STXBP4: variants seen among roughly 807,000 people sequenced by gnomAD.
STXBP4 encodes the protein syntaxin-binding protein 4.
A neutral mutation model predicts 76.1 loss-of-function variants in STXBP4; 55 were observed. The ratio of observed to expected loss-of-function variants is 0.72; its 90% CI spans 0.58 to 0.91. The LOEUF is 0.91. Ranked by LOEUF, STXBP4 falls within the 40% of genes least tolerant of loss-of-function variation. The pLI, the probability that STXBP4 is intolerant of heterozygous loss-of-function variation, is 0.00. For missense variants in STXBP4, 618 were observed against 636.9 expected, an observed-to-expected ratio of 0.97 and a Z score of 0.32; for synonymous variants, 201 against 220.2, an observed-to-expected ratio of 0.91 and a Z score of 0.77.
intron 17 of STXBP4, among the ~76,000 whole-genome samples, chr17:55,155,259 T>C (rs2080264348): frequency 6.6e-6 from 1 of 152,096 alleles, no homozygotes; most frequent in African/African-American, 2.4e-5. Flanking sequence ...TGCTTTATCA[T>C]GGTTTGGTTA....
In STXBP4 at chr17:55,161,147, A is replaced by G. The variant is rs1184832523; in HGVS notation, c.*1236A>G. 1 of 152,214 alleles carries G rather than the reference A, an allele frequency of 6.6e-6. No individual in the cohort carries two copies. The highest frequency in any genetic ancestry group is 1.5e-5 in the Non-Finnish European group (1 of 68,034). 9.4% of individuals were successfully genotyped at this position (152,214 alleles called of 1,614,324 possible). ...AGTCTCCTAGTCTACTGAATTTCATATGGTGTATAATACAGATTTATATGG... is the reference window on the plus strand; with the variant it reads ...AGTCTCCTAGTCTACTGAATTTCATGTGGTGTATAATACAGATTTATATGG... On this transcript the variant is annotated 3_prime_UTR_variant, in exon 18 of 18. Coordinates refer to ENST00000376352, the MANE Select transcript of STXBP4 (RefSeq NM_178509.6).
rs1322074022 is a variant in STXBP4 at position 55,161,691 on chromosome 17, A to G, written c.*1780A>G. The G allele has an allele frequency of 6.6e-5, 10 of 152,186 alleles. No homozygotes were observed. The highest frequency in any genetic ancestry group is 1.7e-4 in the African/African-American group (7 of 41,440). The allele number at this position is 152,186 out of a possible 1,614,324, so 9.4% of individuals were successfully genotyped here. A position where few individuals can be genotyped will look rare whatever the true frequency, so the allele number is the denominator to read the frequency against. ...CAAATACCTAGTGAAAAAGGCCTAAACAATTGTAATGATATTATTTATTGG... is the reference window on the plus strand; with the variant it reads ...CAAATACCTAGTGAAAAAGGCCTAAGCAATTGTAATGATATTATTTATTGG... On this transcript the variant is annotated 3_prime_UTR_variant, in exon 18 of 18. Transcript: ENST00000376352.
chr17:55,146,500 A>G (rs1487320576), intron 17 of STXBP4, among the ~76,000 whole-genome samples: 1 of 152,090 alleles, frequency 6.6e-6, no homozygotes, highest in Non-Finnish European at 1.5e-5. Context: ...TCACGAGGTC[A>G]GGAGATTGAG....
At chr17:54,986,537 T>C (rs1319291304) in intron 3 of STXBP4, among the ~76,000 whole-genome samples, 1 of 152,146 alleles carries the variant, frequency 6.6e-6, no homozygotes, top group Non-Finnish European at 1.5e-5. Flanking sequence ...GAGGATAGCC[T>C]GAAGTTGGGA....
the STXBP4 span, among the ~76,000 whole-genome samples, chr17:55,199,867 C>G: frequency 6.6e-6 from 1 of 152,146 alleles, no homozygotes; most frequent in South Asian, 2.1e-4. Context: ...TCCTTTAGCT[C>G]ATACAGACTG....
At chr17:55,098,414 C>A (rs936896083) in intron 16 of STXBP4, among the ~76,000 whole-genome samples, 12 of 152,100 alleles carry the variant, frequency 7.9e-5, no homozygotes, top group African/African-American at 2.7e-4. Flanking sequence ...GGAGGCCTTG[C>A]TGAACTTGTT....
intron 17 of STXBP4, among the ~76,000 whole-genome samples, chr17:55,158,241 A>G (rs2080302340): frequency 6.6e-6 from 1 of 152,164 alleles, no homozygotes; most frequent in South Asian, 2.1e-4. Context: ...TATTCTTCAC[A>G]TAACATTTAT....
At chr17:55,178,408 A>C (rs1053327365), downstream of STXBP4, among the ~76,000 whole-genome samples, 1 of 152,210 alleles carries the variant, frequency 6.6e-6, no homozygotes, top group Non-Finnish European at 1.5e-5. Flanking sequence ...GGCCTTAATA[A>C]AGTTACTTAC....
At position 55,172,780 on chromosome 17, in the gene STXBP4, A is replaced by G. The variant is rs533293923; in HGVS notation, c.*12869A>G. 1 of 152,156 alleles carries G rather than the reference A, an allele frequency of 6.6e-6. No individual in the cohort carries two copies. Among genetic ancestry groups the G allele is most frequent in the Non-Finnish European group, 1.5e-5 (1 of 68,026 alleles). 9.4% of individuals were successfully genotyped at this position (152,156 alleles called of 1,614,324 possible). ...GTCATGTTAGAGTAACTAACTCCTG[A>G]TTTGTAAACTGAAGGTCCCAAATCC... On this transcript the variant is annotated 3_prime_UTR_variant, in exon 18 of 18. Transcript: ENST00000376352.
chr17:55,158,710 A>G (rs561600556), intron 17 of STXBP4, among the ~76,000 whole-genome samples: 43 of 152,334 alleles, frequency 2.8e-4, no homozygotes, highest in African/African-American at 9.6e-4. Context: ...AACACTTTTC[A>G]GGATGCTGGT....
intron 16 of STXBP4, among the ~76,000 whole-genome samples, chr17:55,124,420 A>G (rs966459978): frequency 7.9e-5 from 12 of 152,204 alleles, no homozygotes; most frequent in African/African-American, 2.9e-4. Flanking sequence ...TTATATATAA[A>G]CATTTTAAAA....
chr17:55,103,379 A>G lies in STXBP4; in HGVS notation c.1489+22196A>G, dbSNP rs1198054078. 2.0e-5 allele frequency among the ~76,000 whole-genome samples: 3 copies of G among 152,314 alleles called. No homozygotes were observed. The East Asian group carries it at 5.8e-4, about 29-fold the overall frequency. ...GCCAGTTTTCCCAACACCGTTTATT[A>G]AATAGGGAATCCTTTCTCCATTGCT... On this transcript the variant is annotated intron_variant, in intron 16 of 17. Coordinates refer to ENST00000376352, the MANE Select transcript of STXBP4 (RefSeq NM_178509.6).
chr17:55,033,177 C>A (rs1401341642), intron 9 of STXBP4, among the ~76,000 whole-genome samples: 2 of 152,040 alleles, frequency 1.3e-5, no homozygotes, highest in Non-Finnish European at 2.9e-5. Context: ...AGTTCAAGAC[C>A]AGCCTGGCCA....
Position 55,162,789 on chromosome 17 carries a change from G to C in STXBP4, c.*2878G>C, listed in dbSNP as rs765423723. On this transcript the variant is annotated 3_prime_UTR_variant, in exon 18 of 18. Coordinates refer to ENST00000376352, the MANE Select transcript of STXBP4 (RefSeq NM_178509.6). Reference sequence around the variant, plus strand: ...AGGAAATCACACTATTAAGCAGCTTGGTTTTGACATGTTATGTTGTGGTCA... The same window carrying C: ...AGGAAATCACACTATTAAGCAGCTTCGTTTTGACATGTTATGTTGTGGTCA... The C allele has an allele frequency of 6.6e-6, 1 of 152,114 alleles. No homozygotes were observed. Among genetic ancestry groups the C allele is most frequent in the African/African-American group, 2.4e-5 (1 of 41,424 alleles). The allele number at this position is 152,114 out of a possible 1,614,324, so 9.4% of individuals were successfully genotyped here.
intron 16 of STXBP4, among the ~76,000 whole-genome samples, chr17:55,104,313 T>G (rs1489932457): frequency 6.6e-6 from 1 of 152,178 alleles, no homozygotes; most frequent in East Asian, 1.9e-4. Context: ...AATACCTAGT[T>G]TATTGGGAGT....
chr17:55,069,762 G>A (rs999307122), intron 12 of STXBP4, among the ~76,000 whole-genome samples: 1 of 152,032 alleles, frequency 6.6e-6, no homozygotes, highest in African/African-American at 2.4e-5. Flanking sequence ...CACAATAATG[G>A]CTATATAAAT....
chr17:55,053,719 G>A (rs535078846), intron 12 of STXBP4, among the ~76,000 whole-genome samples: 26 of 152,012 alleles, frequency 1.7e-4, no homozygotes, highest in Non-Finnish European at 3.1e-4. Context: ...ACTTTTTAGT[G>A]CTTTTCATTC....
At chr17:55,115,778 G>T (rs1226114955) in intron 16 of STXBP4, among the ~76,000 whole-genome samples, 1 of 151,820 alleles carries the variant, frequency 6.6e-6, no homozygotes, top group Non-Finnish European at 1.5e-5. Flanking sequence ...AAATGCAAAG[G>T]AATGCAGACC....
rs62078833 is a variant in STXBP4 at position 55,085,492 on chromosome 17, C to T, written c.1489+4309C>T. ...AGTGTGTTAGATTTTGGTTGTTTTT[C>T]TGTCTCTTCCCTAATGTCACCCTAC... On this transcript the variant is annotated intron_variant, in intron 16 of 17. Coordinates refer to ENST00000376352, the MANE Select transcript of STXBP4 (RefSeq NM_178509.6). 1.4e-3 allele frequency among the ~76,000 whole-genome samples: 214 copies of T among 152,072 alleles called. 1 individual carries two copies. The highest frequency in any genetic ancestry group is 3.4e-3 in the Middle Eastern group (1 of 294).
Sources: allele counts gnomAD v4.1 joint callset (sites outside exome capture counted in the v4.1 genomes callset), GRCh38; gene constraint gnomAD v4.1.1; transcripts MANE v1.5; gene names NCBI Gene and HGNC (gene_info 2026-07-23, HGNC 2026-07-21).